The following MBTD1 variants were observed in gnomAD, a reference collection of about 807,000 sequenced individuals.
MBTD1 encodes MBT domain-containing protein 1.
A neutral mutation model predicts 87.8 loss-of-function variants in MBTD1; 24 were observed. That is an observed-to-expected ratio of 0.27 (90% CI 0.20 to 0.38). The LOEUF (loss-of-function observed/expected upper bound fraction) is 0.38, where lower values mean the gene tolerates loss of function less well. Among genes scored for constraint, MBTD1 ranks in the 10% least tolerant of loss-of-function variants. The pLI is 1.00. For missense variants in MBTD1, 436 were observed against 760.2 expected (o/e 0.57, Z 5.02); for synonymous variants, 237 against 248.6 (o/e 0.95, Z 0.44).
rs543936931 is a variant in MBTD1 at position 51,204,817 on chromosome 17, A to C, written c.605-892T>G. On this transcript the variant is annotated intron_variant, in intron 7 of 16. Transcript: ENST00000586178. ...TGCTTGGCCTTGAAATGTATTTCAA[A>C]GAAATTGCTTTATCCAGCTGCTTAG... is the stretch of plus-strand genomic sequence containing the variant. Among the ~76,000 whole-genome samples, 4 of 152,328 alleles carry C rather than the reference A, an allele frequency of 2.6e-5. No homozygotes were observed. In the South Asian group the frequency reaches 8.3e-4, roughly 32 times the overall value.
chr17:51,257,218 ATTCTTTC>A (rs2055142961), intron 2 of MBTD1, among the ~76,000 whole-genome samples: 1 of 152,158 alleles, frequency 6.6e-6, no homozygotes, highest in South Asian at 2.1e-4. Context: ...TGATGTTTTT[ATTCTTTC>A]TTGAATTTTG....
chr17:51,196,805 T>C (rs912467680), intron 12 of MBTD1, among the ~76,000 whole-genome samples: 2 of 151,196 alleles, frequency 1.3e-5, no homozygotes, highest in African/African-American at 2.4e-5. Flanking sequence ...GCAGGGAGAA[T>C]TGCTCGAACC....
In MBTD1 at chr17:51,191,420, C is replaced by T. The variant is rs1238806825; in HGVS notation, c.1768+783G>A. Reference sequence around the variant, plus strand: ...GGGATTACAGGCGTGCACCACCACACCCGGCTAATTTTTTAGTATAGAAAG... The same window carrying T: ...GGGATTACAGGCGTGCACCACCACATCCGGCTAATTTTTTAGTATAGAAAG... On this transcript the variant is annotated intron_variant, in intron 16 of 16. Transcript: ENST00000586178. Among the ~76,000 whole-genome samples the T allele has an allele frequency of 2.0e-5, 3 of 151,764 alleles. No homozygotes were observed. In the East Asian group the frequency reaches 5.8e-4, roughly 29 times the overall value.
chr17:51,240,452 G>A (rs2054099717), intron 2 of MBTD1, among the ~76,000 whole-genome samples: 1 of 152,132 alleles, frequency 6.6e-6, no homozygotes, highest in African/African-American at 2.4e-5. Context: ...TCATGACCTT[G>A]ACAGTTTTGA....
chr17:51,207,659 T>G (rs1346184898), intron 6 of MBTD1, among the ~76,000 whole-genome samples: 2 of 152,188 alleles, frequency 1.3e-5, no homozygotes, highest in Non-Finnish European at 2.9e-5. Flanking sequence ...TTAGAACCGG[T>G]AATCACTAGC....
intron 8 of MBTD1, 121 bp from the exon 9 acceptor site, chr17:51,203,349 A>G: frequency 1.7e-6 from 1 of 578,390 alleles, no homozygotes; most frequent in Non-Finnish European, 2.9e-6. Context: ...AAAAGTAACA[A>G]ATATAGAGAA....
chr17:51,218,197 T>C (rs550051773), intron 5 of MBTD1, among the ~76,000 whole-genome samples: 2 of 152,214 alleles, frequency 1.3e-5, no homozygotes, highest in East Asian at 1.9e-4. Context: ...CTCCTCATTA[T>C]TTACTCACTT....
In MBTD1 at chr17:51,216,842, C is replaced by T. The variant is rs77720684; in HGVS notation, c.486+492G>A. ...CAAGTGATCCTCCTGCCTCATTCTCCCAAGTTGCTAGGAATACAGTTGAGC... is the reference window on the plus strand; with the variant it reads ...CAAGTGATCCTCCTGCCTCATTCTCTCAAGTTGCTAGGAATACAGTTGAGC... On this transcript the variant is annotated intron_variant, in intron 6 of 16. Transcript: ENST00000586178. 7.4e-3 allele frequency among the ~76,000 whole-genome samples: 1,132 copies of T among 152,168 alleles called. 16 individuals are homozygous for T. Among genetic ancestry groups the T allele is most frequent in the African/African-American group, 0.026 (1,080 of 41,508 alleles).
At chr17:51,260,905 G>T, upstream of MBTD1, 1 of 1,590,814 alleles carries the variant, frequency 6.3e-7, no homozygotes, top group Non-Finnish European at 8.5e-7. Flanking sequence ...ACGCGTTGCT[G>T]CGGCGTCTGC....
intron 7 of MBTD1, among the ~76,000 whole-genome samples, chr17:51,204,496 A>C (rs2051694757): frequency 1.8e-5 from 2 of 113,778 alleles, no homozygotes; most frequent in Middle Eastern, 5.6e-3. Context: ...ATTATATATA[A>C]TTATATATAT....
chr17:51,239,810 C>T (rs917997258), intron 2 of MBTD1, among the ~76,000 whole-genome samples: 2 of 152,186 alleles, frequency 1.3e-5, no homozygotes, highest in African/African-American at 4.8e-5. Flanking sequence ...CCTTATCCTT[C>T]AATGTGCCTT....
At chr17:51,181,040 T>G (rs2050284941) in intron 16 of MBTD1, among the ~76,000 whole-genome samples, 1 of 115,006 alleles carries the variant, frequency 8.7e-6, no homozygotes, top group South Asian at 2.5e-4. Context: ...TTTTTTTTTT[T>G]GAGATGGAGT....
intron 2 of MBTD1, among the ~76,000 whole-genome samples, chr17:51,243,692 T>C (rs2054279874): frequency 6.6e-6 from 1 of 152,132 alleles, no homozygotes; most frequent in African/African-American, 2.4e-5. Flanking sequence ...ATCTGGAAGA[T>C]TAGTTTTAAT....
intron 2 of MBTD1, 22 bp from the exon 3 acceptor site, chr17:51,225,231 T>A: frequency 7.3e-7 from 1 of 1,373,944 alleles, no homozygotes; most frequent in South Asian, 1.6e-5. Context: ...GAGAAACCAG[T>A]GACACATGAC....
chr17:51,247,729 C>A (rs560489544), intron 2 of MBTD1, among the ~76,000 whole-genome samples: 2 of 152,226 alleles, frequency 1.3e-5, no homozygotes, highest in South Asian at 4.1e-4. Context: ...GGATTACAGG[C>A]GTGAGCCACT....
At chr17:51,243,079 A>G (rs75070381) in intron 2 of MBTD1, among the ~76,000 whole-genome samples, 1,574 of 152,320 alleles carry the variant, frequency 0.01, 40 homozygotes, top group African/African-American at 0.035. Flanking sequence ...CCTCCAGGGT[A>G]TATTTTTAGA....
chr17:51,218,327 T>C (rs1598361544), intron 5 of MBTD1, among the ~76,000 whole-genome samples: 1 of 151,850 alleles, frequency 6.6e-6, no homozygotes, highest in Admixed American at 6.6e-5. Flanking sequence ...TCTGGAGTTC[T>C]AGACCAGCCT....
chr17:51,206,610 G>A (rs192679605), intron 7 of MBTD1, among the ~76,000 whole-genome samples: 6 of 152,120 alleles, frequency 3.9e-5, no homozygotes, highest in African/African-American at 1.4e-4. Context: ...TGTAAATAAA[G>A]TTCTACTGGA....
At chr17:51,248,917 T>C (rs927423471) in intron 2 of MBTD1, among the ~76,000 whole-genome samples, 6 of 152,146 alleles carry the variant, frequency 3.9e-5, no homozygotes, top group African/African-American at 1.2e-4. Context: ...GTTTTTCTAA[T>C]AGATTGACAA....
Sources: gnomAD v4.1 joint callset for allele counts (sites outside exome capture counted in the v4.1 genomes callset) on GRCh38, gnomAD v4.1.1 for gene constraint, MANE v1.5 for transcripts, NCBI Gene and HGNC (gene_info 2026-07-23, HGNC 2026-07-21) for gene names.